Variants in ANO3 observed in about 807,000 individuals in gnomAD.
The protein encoded by ANO3 is anoctamin-3.
In ANO3, 99 loss-of-function variants were observed where a neutral mutation model predicts 144.8. That is an observed-to-expected ratio of 0.68 (90% CI 0.58 to 0.81). The LOEUF (loss-of-function observed/expected upper bound fraction) is 0.81, where lower values mean the gene tolerates loss of function less well. ANO3 is among the 30% of genes least tolerant of loss of function. ANO3 has a pLI of 0.00. For missense variants in ANO3, 905 were observed against 1,202.2 expected (o/e 0.75, Z 3.66); for synonymous variants, 414 against 392.6 (o/e 1.05, Z -0.64).
chr11:26,326,559 T>C (rs913853333), intron 1 of ANO3, among the ~76,000 whole-genome samples: 2 of 152,170 alleles, frequency 1.3e-5, no homozygotes, highest in African/African-American at 2.4e-5. Flanking sequence ...TTGCTTAGCA[T>C]TGTGTTGTTA....
intron 4 of ANO3, among the ~76,000 whole-genome samples, chr11:26,477,396 G>T (rs1016618714): frequency 6.6e-6 from 1 of 151,964 alleles, no homozygotes; most frequent in Non-Finnish European, 1.5e-5. Context: ...GAGTTTTCTC[G>T]ACCTGGAAAG....
chr11:26,261,067 T>C (rs1279673176), intron 1 of ANO3, among the ~76,000 whole-genome samples: 1 of 152,186 alleles, frequency 6.6e-6, no homozygotes. Flanking sequence ...TATCAGAAGA[T>C]AATCTTCATG....
At chr11:26,543,398 A>C (rs971582977) in intron 11 of ANO3, among the ~76,000 whole-genome samples, 5 of 152,102 alleles carry the variant, frequency 3.3e-5, no homozygotes, top group Non-Finnish European at 7.4e-5. Context: ...ATGAAAGGAA[A>C]AAAGTAGAAT....
At chr11:26,554,377 C>A (rs1327514767) in intron 13 of ANO3, among the ~76,000 whole-genome samples, 9 of 151,968 alleles carry the variant, frequency 5.9e-5, no homozygotes, top group Admixed American at 2.0e-4. Context: ...TTAAAAAAGT[C>A]TTCTATTAAC....
chr11:26,223,633 G>A (rs1334706994), intron 1 of ANO3, among the ~76,000 whole-genome samples: 1 of 151,002 alleles, frequency 6.6e-6, no homozygotes, highest in African/African-American at 2.4e-5. Flanking sequence ...CCCTGAGATT[G>A]GGTAATTTAT....
At chr11:26,596,891 G>A (rs1851645714) in intron 14 of ANO3, among the ~76,000 whole-genome samples, 1 of 152,142 alleles carries the variant, frequency 6.6e-6, no homozygotes, top group Non-Finnish European at 1.5e-5. Flanking sequence ...CCGACCCTCG[G>A]CTTCCCTAGG....
chr11:26,650,021 A>ATGTAGATAGCGCCTGCCTTTCG (rs1853477871), intron 24 of ANO3, among the ~76,000 whole-genome samples: 2 of 152,224 alleles, frequency 1.3e-5, no homozygotes, highest in Admixed American at 6.5e-5. Context: ...CTCTGCGTTT[A>ATGTAGATAGCGCCTGCCTTTCG]TGTAGATAGC....
intron 1 of ANO3, among the ~76,000 whole-genome samples, chr11:26,217,386 A>G (rs1173880707): frequency 6.6e-6 from 1 of 151,936 alleles, no homozygotes; most frequent in Non-Finnish European, 1.5e-5. Flanking sequence ...CTTGAACTTC[A>G]AGGAGTGTAA....
intron 1 of ANO3, among the ~76,000 whole-genome samples, chr11:26,391,987 AAAC>A (rs1370583215): frequency 7.5e-3 from 1 of 134 alleles, no homozygotes; most frequent in African/African-American, 0.024. Flanking sequence ...AAATGTCGGA[AAAC>A]AACAGCTCTC....
chr11:26,324,569 C>G (rs1564965141), intron 1 of ANO3, among the ~76,000 whole-genome samples: 1 of 152,150 alleles, frequency 6.6e-6, no homozygotes, highest in Admixed American at 6.5e-5. Context: ...TAAATAAACA[C>G]TCATCAACAA....
Position 26,442,112 on chromosome 11 carries a change from G to A in ANO3, c.241G>A (p.Val81Ile), listed in dbSNP as rs1409207629. Reference sequence around the variant, plus strand: ...AATCTCCACTGACAAAGCAGAGCAAGGTGAGCAGCAATTCCTATTTTCTTG... The same window carrying A: ...AATCTCCACTGACAAAGCAGAGCAAAGTGAGCAGCAATTCCTATTTTCTTG... ...TLISTDKAEQ[V>I]NTEENKNDSV... The change falls in exon 2 of 27, where the codon GTT becomes ATT. Residue 81 changes from valine (V) to isoleucine (I), a missense_variant and splice_region_variant. Physicochemically the swap from Val to Ile is conservative, Grantham distance 29. Transcript: ENST00000256737. The A allele has an allele frequency of 1.2e-6, 2 of 1,607,994 alleles. No homozygotes were observed. Among genetic ancestry groups the A allele is most frequent in the Non-Finnish European group, 1.7e-6 (2 of 1,178,512 alleles).
intron 23 of ANO3, among the ~76,000 whole-genome samples, chr11:26,645,532 T>C (rs1268248491): frequency 6.6e-6 from 1 of 152,178 alleles, no homozygotes; most frequent in Non-Finnish European, 1.5e-5. Flanking sequence ...TATACTGTCA[T>C]CAAAGTTTAT....
chr11:26,537,337 T>C, intron 9 of ANO3, 69 bp from the exon 10 acceptor site: 3 of 1,240,286 alleles, frequency 2.4e-6, no homozygotes, highest in Non-Finnish European at 3.6e-6. Flanking sequence ...TCCCCGTATA[T>C]TTCTGTTGCT....
chr11:26,361,722 AACC>A (rs1590292293), intron 1 of ANO3, among the ~76,000 whole-genome samples: 2 of 152,128 alleles, frequency 1.3e-5, no homozygotes, highest in East Asian at 3.8e-4. Flanking sequence ...CCCTTTACAA[AACC>A]ACCAATAAAT....
rs1227420649 is a variant in ANO3, at chr11:26,434,341, A to G, written c.47-7577A>G. On this transcript the variant is annotated intron_variant, in intron 1 of 26. Transcript: ENST00000256737. ...TCTTTTCTTCTTTATTAGTCTAGCT[A>G]TTGGCCTATGTACATCATTAATTTT... Among the ~76,000 whole-genome samples, 5 of 151,870 alleles carry G rather than the reference A, an allele frequency of 3.3e-5. 1 individual carries two copies. The South Asian group carries it at 1.0e-3, about 31-fold the overall frequency.
At chr11:26,251,445 G>A (rs1255049533) in intron 1 of ANO3, among the ~76,000 whole-genome samples, 1 of 152,184 alleles carries the variant, frequency 6.6e-6, no homozygotes, top group African/African-American at 2.4e-5. Flanking sequence ...GAGGTTGGTT[G>A]TGCCTTTTTG....
chr11:26,424,489 A>C (rs1472912684), intron 1 of ANO3, among the ~76,000 whole-genome samples: 2 of 152,032 alleles, frequency 1.3e-5, no homozygotes, highest in African/African-American at 4.8e-5. Flanking sequence ...CCTAGGGCCC[A>C]GGGTATGCTA....
intron 14 of ANO3, among the ~76,000 whole-genome samples, chr11:26,567,296 G>C (rs567511077): frequency 3.3e-5 from 5 of 151,794 alleles, no homozygotes; most frequent in Non-Finnish European, 5.9e-5. Context: ...TCATGTTTTT[G>C]AATTGAACCT....
In ANO3 at chr11:26,599,051, A is replaced by G. The variant is rs1590613444; in HGVS notation, c.1671+53A>G. 11 of 1,563,694 alleles carry G rather than the reference A, an allele frequency of 7.0e-6. No homozygotes were observed. In the East Asian group the frequency reaches 2.5e-4, roughly 35 times the overall value. On this transcript the variant is annotated intron_variant, in intron 16 of 26. Coordinates refer to ENST00000256737, the MANE Select transcript of ANO3 (RefSeq NM_031418.4). ...GTTTTGGGATTCTAAATTTAGAAGTAAGTTCAATGATACCAACTCATTTTG... is the reference window on the plus strand; with the variant it reads ...GTTTTGGGATTCTAAATTTAGAAGTGAGTTCAATGATACCAACTCATTTTG...
Sources: gnomAD v4.1 joint callset for allele counts (sites outside exome capture counted in the v4.1 genomes callset) on GRCh38, gnomAD v4.1.1 for gene constraint, MANE v1.5 for transcripts, NCBI Gene and HGNC (gene_info 2026-07-23, HGNC 2026-07-21) for gene names.